SLC9D1: variants seen among roughly 807,000 people sequenced by gnomAD.
SLC9D1 encodes the protein solute carrier family 9 member D1, also known as putative LAG1-interacting protein.
At chr13:113,515,914 A>AG in the SLC9D1 span, among the ~76,000 whole-genome samples, 3 of 143,444 alleles carry the variant, frequency 2.1e-5, no homozygotes, top group African/African-American at 8.0e-5. Context: ...AAAAAAAAAA[A>AG]GAAATGCAGC....
chr13:113,537,831 G>A, the SLC9D1 span, among the ~76,000 whole-genome samples: 5 of 152,164 alleles, frequency 3.3e-5, no homozygotes, highest in South Asian at 2.1e-4. Context: ...AATGCCATGC[G>A]TTGAAAAGAC....
chr13:113,507,752 TTC>T, the SLC9D1 span, among the ~76,000 whole-genome samples: 29 of 152,274 alleles, frequency 1.9e-4, no homozygotes, highest in Non-Finnish European at 3.8e-4. Context: ...GTCTTGTATC[TTC>T]TCTGTTCTAA....
chr13:113,520,899 TAGC>T, the SLC9D1 span, among the ~76,000 whole-genome samples: 1 of 152,224 alleles, frequency 6.6e-6, no homozygotes, highest in Non-Finnish European at 1.5e-5. Context: ...GCTCTGTGCT[TAGC>T]AGCTCCTCAC....
chr13:113,546,099 TCC>T, the SLC9D1 span, among the ~76,000 whole-genome samples: 6 of 152,058 alleles, frequency 3.9e-5, no homozygotes, highest in Non-Finnish European at 7.4e-5. This position sits in a 1 kb window ranked among gnomAD's most constrained non-coding sequence, Gnocchi z 7.1. Flanking sequence ...GGTGGGAGCG[TCC>T]CCTGTGCCAT....
the SLC9D1 span, among the ~76,000 whole-genome samples, chr13:113,531,293 G>A: frequency 1.3e-5 from 2 of 152,206 alleles, no homozygotes; most frequent in Non-Finnish European, 2.9e-5. Flanking sequence ...TCACCTGTCC[G>A]CGGGCCAGAC....
the SLC9D1 span, among the ~76,000 whole-genome samples, chr13:113,531,530 A>G: frequency 6.7e-6 from 1 of 149,232 alleles, no homozygotes; most frequent in Non-Finnish European, 1.5e-5. Context: ...CCGTACGTGC[A>G]GATCAAGAGC....
the SLC9D1 span, among the ~76,000 whole-genome samples, chr13:113,536,340 C>A: frequency 1.3e-4 from 18 of 143,568 alleles, no homozygotes; most frequent in African/African-American, 2.3e-4. Context: ...AAGACTGCCT[C>A]AAAAAAAAAA....
the SLC9D1 span, among the ~76,000 whole-genome samples, chr13:113,511,283 C>A: frequency 6.6e-6 from 1 of 152,232 alleles, no homozygotes; most frequent in Non-Finnish European, 1.5e-5. Context: ...GACGTTCACC[C>A]TGCACAGAAC....
the SLC9D1 span, among the ~76,000 whole-genome samples, chr13:113,497,401 C>T: frequency 1.1e-4 from 16 of 146,400 alleles, no homozygotes; most frequent in South Asian, 3.5e-3. Context: ...AGACCTGCAG[C>T]TGTGTGAGAC....
the SLC9D1 span, chr13:113,491,134 G>A: frequency 6.6e-6 from 1 of 152,574 alleles, no homozygotes; most frequent in African/African-American, 2.4e-5. Flanking sequence ...AGGGATGCAA[G>A]GAAGCCCTCC....
chr13:113,544,013 C>A, the SLC9D1 span, among the ~76,000 whole-genome samples: 1 of 152,256 alleles, frequency 6.6e-6, no homozygotes, highest in Admixed American at 6.5e-5. Flanking sequence ...ACGTAGACGG[C>A]ATCTGCCCGC....
At chr13:113,508,076 C>T in the SLC9D1 span, among the ~76,000 whole-genome samples, 1 of 152,260 alleles carries the variant, frequency 6.6e-6, no homozygotes, top group African/African-American at 2.4e-5. Flanking sequence ...CCCCTGTGGC[C>T]TTTCCTGGTG....
At chr13:113,533,491 C>T in the SLC9D1 span, among the ~76,000 whole-genome samples, 1 of 152,236 alleles carries the variant, frequency 6.6e-6, no homozygotes, top group South Asian at 2.1e-4. Flanking sequence ...TTTGTGAAGA[C>T]GGCAGATAGT....
chr13:113,493,152 A>G, the SLC9D1 span, among the ~76,000 whole-genome samples: 8 of 152,264 alleles, frequency 5.3e-5, no homozygotes, highest in African/African-American at 1.9e-4. Context: ...TATAACTACA[A>G]CTAAAATCCT....
At chr13:113,539,472 G>C in the SLC9D1 span, 1 of 1,613,310 alleles carries the variant, frequency 6.2e-7, no homozygotes. The surrounding 1 kb of genome is among the most constrained non-coding windows in gnomAD (Gnocchi z 4.8). Flanking sequence ...GAACCCATCC[G>C]CGACTTCCTG....
the SLC9D1 span, chr13:113,547,319 G>C: frequency 1.2e-6 from 2 of 1,614,182 alleles, no homozygotes; most frequent in Non-Finnish European, 1.7e-6. Flanking sequence ...TGTTCCCCAC[G>C]TTTGTGGCGT....
the SLC9D1 span, among the ~76,000 whole-genome samples, chr13:113,536,206 C>T: frequency 1.2e-4 from 18 of 152,184 alleles, no homozygotes; most frequent in Non-Finnish European, 2.6e-4. Flanking sequence ...GGTGAAACCC[C>T]GTCTCTACCA....
the SLC9D1 span, among the ~76,000 whole-genome samples, chr13:113,501,552 A>G: frequency 6.6e-6 from 1 of 152,116 alleles, no homozygotes; most frequent in African/African-American, 2.4e-5. Flanking sequence ...AACTAACTCC[A>G]TCTATTCCCA....
At chr13:113,544,309 T>C in the SLC9D1 span, among the ~76,000 whole-genome samples, 5 of 152,176 alleles carry the variant, frequency 3.3e-5, no homozygotes, top group African/African-American at 1.2e-4. Context: ...AGGGCAATCT[T>C]TAGGCCCTGA....
Sources: gnomAD v4.1 joint callset for allele counts (sites outside exome capture counted in the v4.1 genomes callset) on GRCh38, gnomAD v4.1.1 for gene constraint, Gnocchi (gnomAD v3.1) non-coding constraint, MANE v1.5 for transcripts, NCBI Gene and HGNC (gene_info 2026-07-23, HGNC 2026-07-21) for gene names.